CDH15: variants seen among roughly 807,000 people sequenced by gnomAD.
CDH15 encodes the protein cadherin 15.
CDH15 carries 73 observed loss-of-function variants against 69.4 expected under a neutral mutation model. The ratio of observed to expected loss-of-function variants is 1.05; its 90% confidence interval spans 0.87 to 1.28. CDH15 has a LOEUF of 1.28. Among genes scored for constraint, CDH15 ranks in the 50% most tolerant of loss-of-function variants. CDH15 has a pLI of 0.00. For synonymous variants in CDH15, 624 were observed against 507.7 expected (o/e 1.23, Z -3.08); for missense variants, 1,343 against 1,133.6 (o/e 1.18, Z -2.65).
Position 89,179,403 on chromosome 16 carries a change from G to C in CDH15, c.43-13G>C. The C allele has an allele frequency of 1.2e-6, 2 of 1,613,520 alleles. No individual in the cohort carries two copies. The highest frequency in any genetic ancestry group is 8.5e-7 in the Non-Finnish European group (1 of 1,179,872). On this transcript the variant is annotated splice_polypyrimidine_tract_variant and intron_variant, in intron 1 of 13. Coordinates refer to ENST00000289746, the MANE Select transcript of CDH15 (RefSeq NM_004933.3). ...GGAGACGGTACTGTGGGACGCATCT[G>C]TCTTTGTTGCAGAGCCTCTGCCTGT...
rs774539358 is a variant in CDH15 at position 89,191,696 on chromosome 16, A to G, written c.1417A>G (p.Ile473Val). ...RTATGTLSIEILEVNDHAPVL... is the reference protein window; with the variant it reads ...RTATGTLSIEVLEVNDHAPVL... ...CGCCACCGGCACCCTGTCCATCGAG[A>G]TCCTGGAGGTGAACGACCATGCACC... Residue 473 changes from isoleucine to valine, a missense_variant, in exon 10 of 14, where the codon ATC becomes GTC. Physicochemically the swap from Ile to Val is conservative, Grantham distance 29. Transcript: ENST00000289746. 38 of 1,602,010 alleles carry G rather than the reference A, an allele frequency of 2.4e-5. No homozygotes were observed. The highest frequency in any genetic ancestry group is 3.4e-6 in the Non-Finnish European group (4 of 1,178,344).
At chr16:89,184,717 C>G (rs1483959368) in intron 4 of CDH15, among the ~76,000 whole-genome samples, 1 of 151,960 alleles carries the variant, frequency 6.6e-6, no homozygotes, top group East Asian at 1.9e-4. Flanking sequence ...TCTTATCCTG[C>G]CCGTGTGTCC....
At chr16:89,192,480 AC>A in intron 11 of CDH15, 36 bp downstream of exon 11, 1 of 1,555,402 alleles carries the variant, frequency 6.4e-7, no homozygotes, top group South Asian at 1.2e-5. Context: ...GGACCCTCGG[AC>A]CCTCGGACCC....
chr16:89,189,635 C>G (rs547972311), intron 7 of CDH15, among the ~76,000 whole-genome samples: 9 of 152,370 alleles, frequency 5.9e-5, no homozygotes, highest in Admixed American at 2.6e-4. Flanking sequence ...CATATGGAAT[C>G]CATGTACAAA....
At chr16:89,193,669 A>T (rs1915712691) in intron 12 of CDH15, 63 bp downstream of exon 12, 1 of 1,567,108 alleles carries the variant, frequency 6.4e-7, no homozygotes, top group African/African-American at 1.4e-5. Context: ...GCCTTCTTAC[A>T]ACAAGCTGGC....
intron 11 of CDH15, 82 bp from the exon 12 acceptor site, chr16:89,193,388 C>T: frequency 2.7e-6 from 3 of 1,119,788 alleles, no homozygotes; most frequent in Non-Finnish European, 3.8e-6. Context: ...CGCCCCGCCC[C>T]CTCCTCCCAC....
chr16:89,173,962 G>A (rs1915207895), intron 1 of CDH15, among the ~76,000 whole-genome samples: 1 of 152,222 alleles, frequency 6.6e-6, no homozygotes, highest in African/African-American at 2.4e-5. Flanking sequence ...TCTGCATCTG[G>A]GTTTTGGGAG....
rs781098574 is a variant in CDH15, at chr16:89,193,719, G to C, written c.1993-36G>C. The C allele has an allele frequency of 2.5e-6, 4 of 1,594,758 alleles. No individual in the cohort carries two copies. The Admixed American group carries it at 5.2e-5, about 21-fold the overall frequency. ...TGAGACCTCCACCAGGGCCACCCGA[G>C]GGATGCCTGGCTCTGTTCCACCTCC... On this transcript the variant is annotated intron_variant, in intron 12 of 13. Coordinates refer to ENST00000289746, the MANE Select transcript of CDH15 (RefSeq NM_004933.3).
At position 89,193,820 on chromosome 16, in the gene CDH15, A is replaced by C. The variant is rs772195244; in HGVS notation, c.2058A>C (p.Pro686=). 6.2e-7 allele frequency: 1 copy of C among 1,609,926 alleles called. No individual in the cohort carries two copies. The highest frequency in any genetic ancestry group is 1.7e-5 in the Admixed American group (1 of 59,960). ...TALSLPLGPP[P]LRRDAPQGRL... is the part of the protein sequence containing the mutation. The stretch of plus-strand genomic sequence containing the variant: ...TGAGCCTGCCTCTGGGACCGCCGCC[A>C]CTTCGCAGAGATGCCCCGCAGGGCC... Residue 686 remains proline, a synonymous_variant, in exon 13 of 14, where the codon CCA becomes CCC. Transcript: ENST00000289746.
In CDH15 at chr16:89,195,257, G is replaced by A; in HGVS notation, c.*102G>A. ...CGGGCCCGACCCCCCTGGGCCTGGGGCAGCCTCCTTCCTGTAGGCGAGGGC... is the reference window on the plus strand; with the variant it reads ...CGGGCCCGACCCCCCTGGGCCTGGGACAGCCTCCTTCCTGTAGGCGAGGGC... On this transcript the variant is annotated 3_prime_UTR_variant, in exon 14 of 14. Coordinates refer to ENST00000289746, the MANE Select transcript of CDH15 (RefSeq NM_004933.3). 7.8e-7 allele frequency: 1 copy of A among 1,274,130 alleles called. No individual in the cohort carries two copies. The highest frequency in any genetic ancestry group is 1.1e-6 in the Non-Finnish European group (1 of 951,522). The allele number at this position is 1,274,130 out of a possible 1,614,324, so 78.9% of individuals were successfully genotyped here. A position where few individuals can be genotyped will look rare whatever the true frequency, so the allele number is the denominator to read the frequency against.
chr16:89,188,409 G>A (rs1597309390), intron 7 of CDH15, 124 bp downstream of exon 7: 7 of 608,144 alleles, frequency 1.2e-5, no homozygotes, highest in East Asian at 6.3e-5. Context: ...CACACATGCC[G>A]GCACACACAG....
Position 89,193,559 on chromosome 16 carries a change from G to A in CDH15, c.1945G>A (p.Asp649Asn), listed in dbSNP as rs1290779715. ...GCACGGCCCCCAGGACGACCTTCGA[G>A]ACAATGTCCTCAACTACGATGAGCA... ...LLHGPQDDLR[D>N]NVLNYDEQGG... The change falls in exon 12 of 14, where the codon GAC becomes AAC. Residue 649 changes from aspartate to asparagine, a missense_variant. Physicochemically the swap from Asp to Asn is conservative, Grantham distance 23. Coordinates refer to ENST00000289746, the MANE Select transcript of CDH15 (RefSeq NM_004933.3). 6 of 1,610,816 alleles carry A rather than the reference G, an allele frequency of 3.7e-6. No individual in the cohort carries two copies. Among genetic ancestry groups the A allele is most frequent in the Admixed American group, 1.7e-5 (1 of 59,782 alleles).
intron 7 of CDH15, among the ~76,000 whole-genome samples, 169 bp from the exon 8 acceptor site, chr16:89,190,074 T>C (rs1873800108): frequency 6.6e-6 from 1 of 152,250 alleles, no homozygotes; most frequent in South Asian, 2.1e-4. Flanking sequence ...TTTAATAATA[T>C]TCTTTGTGCC....
rs138431307 is a variant in CDH15 at position 89,191,472 on chromosome 16, G to A, written c.1375G>A (p.Ala459Thr). ...YRAIVLAQDD[A>T]SQPRTATGTL... Reference sequence around the variant, plus strand: ...AGCCATCGTCCTGGCCCAGGATGACGGTGAGCGGCGCCGCCGGCTTGGGGC... The same window carrying A: ...AGCCATCGTCCTGGCCCAGGATGACAGTGAGCGGCGCCGCCGGCTTGGGGC... Residue 459 changes from alanine to threonine, a missense_variant and splice_region_variant, in exon 9 of 14, where the codon GCC becomes ACC. Physicochemically the swap from Ala to Thr is moderately conservative, Grantham distance 58. Transcript: ENST00000289746. 66 of 1,612,044 alleles carry A rather than the reference G, an allele frequency of 4.1e-5. No homozygotes were observed. The highest frequency in any genetic ancestry group is 1.1e-4 in the East Asian group (5 of 44,882).
chr16:89,185,305 G>A lies in CDH15; in HGVS notation c.635G>A (p.Arg212His), dbSNP rs564973840. The A allele has an allele frequency of 6.2e-6, 10 of 1,605,146 alleles. No individual in the cohort carries two copies. The highest frequency in any genetic ancestry group is 5.1e-5 in the Admixed American group (3 of 59,228). ...ATCGACGAGCTCACAGGAGAGATCC[G>A]CACAGTGCAAGTGGGGCTGGACCGC... ...FSIDELTGEI[R>H]TVQVGLDREV... is the part of the protein sequence containing the mutation. Residue 212 changes from arginine (R) to histidine (H), a missense_variant, in exon 5 of 14, where the codon CGC becomes CAC. Coordinates refer to ENST00000289746, the MANE Select transcript of CDH15 (RefSeq NM_004933.3).
intron 8 of CDH15, 89 bp from the exon 9 acceptor site, chr16:89,191,240 TG>T: frequency 1.4e-6 from 2 of 1,427,710 alleles, no homozygotes; most frequent in South Asian, 2.3e-5. Context: ...TGCCTGTGTG[TG>T]TGCAGTGCAT....
At position 89,193,493 on chromosome 16, in the gene CDH15, CGGGCGCGG is replaced by C; in HGVS notation, c.1880_1887del (p.Arg627LeufsTer27). 1 of 1,611,668 alleles carries C rather than the reference CGGGCGCGG, an allele frequency of 6.2e-7. No homozygotes were observed. Among genetic ancestry groups the C allele is most frequent in the Non-Finnish European group, 8.5e-7 (1 of 1,179,642 alleles). ...AGTGCTGGTCCTGCTCGTGGCACTC[CGGGCGCGG>C]TTCTGGAAGCAGTCTCGGGGCAAGG... On this transcript the variant is annotated frameshift_variant, in exon 12 of 14. Transcript: ENST00000289746. LOFTEE classifies it high-confidence loss of function.
intron 4 of CDH15, among the ~76,000 whole-genome samples, chr16:89,183,930 C>T (rs1027762738): frequency 2.0e-5 from 3 of 152,158 alleles, no homozygotes; most frequent in Non-Finnish European, 4.4e-5. Flanking sequence ...TTGTTCTCCC[C>T]CAAAAGCAAA....
chr16:89,177,916 C>T (rs1915293398), intron 1 of CDH15, among the ~76,000 whole-genome samples: 1 of 152,076 alleles, frequency 6.6e-6, no homozygotes, highest in Non-Finnish European at 1.5e-5. Context: ...CACAGGTGTC[C>T]TGGGGATCCC....
Sources: allele counts gnomAD v4.1 joint callset (sites outside exome capture counted in the v4.1 genomes callset), GRCh38; gene constraint gnomAD v4.1.1; transcripts MANE v1.5; gene names NCBI Gene and HGNC (gene_info 2026-07-23, HGNC 2026-07-21).